Variants in MAGI2 observed in about 807,000 individuals in gnomAD.
The protein encoded by MAGI2 is membrane-associated guanylate kinase, WW and PDZ domain-containing protein 2.
MAGI2 carries 35 observed loss-of-function variants against 133.3 expected under a neutral mutation model. The observed-to-expected ratio is 0.26, with a 90% CI of 0.20 to 0.35. The LOEUF (loss-of-function observed/expected upper bound fraction) is 0.35, where lower values mean the gene tolerates loss of function less well. MAGI2 is among the 10% of genes least tolerant of loss of function. The probability of loss-of-function intolerance (pLI) is 1.00; values close to 1 mark genes in which losing one functional copy is unlikely to be tolerated. For missense variants in MAGI2, 1,636 were observed against 1,863.4 expected (o/e 0.88, Z 2.25); for synonymous variants, 729 against 710.6 (o/e 1.03, Z -0.41).
intron 10 of MAGI2, among the ~76,000 whole-genome samples, chr7:78,227,850 TTGTGTGTG>T (rs3085614): frequency 7.6e-5 from 11 of 145,646 alleles, no homozygotes; most frequent in South Asian, 2.2e-4. Flanking sequence ...TCTTACTCAG[TTGTGTGTG>T]TGTGTGTGTG....
intron 2 of MAGI2, among the ~76,000 whole-genome samples, chr7:78,885,461 T>A: frequency 6.6e-6 from 1 of 152,200 alleles, no homozygotes; most frequent in South Asian, 2.1e-4. Flanking sequence ...TGAGGCTTTA[T>A]ACTGTGCTAA....
chr7:78,605,201 G>A (rs1805673385), intron 3 of MAGI2, among the ~76,000 whole-genome samples: 1 of 152,204 alleles, frequency 6.6e-6, no homozygotes, highest in Non-Finnish European at 1.5e-5. Flanking sequence ...TTTAGACTAG[G>A]TTGATGGCAA....
At chr7:79,059,965 CATCT>C (rs887269316) in intron 1 of MAGI2, among the ~76,000 whole-genome samples, 1 of 152,094 alleles carries the variant, frequency 6.6e-6, no homozygotes, top group African/African-American at 2.4e-5. Context: ...CTATGTTGTA[CATCT>C]AATGAGTAAT....
intron 9 of MAGI2, among the ~76,000 whole-genome samples, chr7:78,279,436 T>C (rs931168126): frequency 2.0e-5 from 2 of 99,602 alleles, no homozygotes; most frequent in African/African-American, 9.8e-5. Context: ...CTCTTGTTTG[T>C]GCTGTTTTAG....
At chr7:79,269,691 C>A (rs1396354477) in intron 1 of MAGI2, among the ~76,000 whole-genome samples, 1 of 152,108 alleles carries the variant, frequency 6.6e-6, no homozygotes, top group African/African-American at 2.4e-5. Context: ...ATAGTTGACC[C>A]CATCTTGCTT....
At chr7:78,599,198 T>C (rs554238323) in intron 3 of MAGI2, among the ~76,000 whole-genome samples, 8 of 152,250 alleles carry the variant, frequency 5.3e-5, no homozygotes, top group African/African-American at 1.7e-4. Context: ...GACCATTCCA[T>C]ACACACACAC....
intron 6 of MAGI2, among the ~76,000 whole-genome samples, chr7:78,403,715 C>T (rs1050528984): frequency 1.1e-4 from 17 of 152,084 alleles, no homozygotes; most frequent in Non-Finnish European, 1.6e-4. Flanking sequence ...GATGGTATCT[C>T]ATTGTGGTTT....
chr7:78,579,934 T>G (rs1802663490), intron 3 of MAGI2, among the ~76,000 whole-genome samples: 1 of 152,216 alleles, frequency 6.6e-6, no homozygotes, highest in African/African-American at 2.4e-5. Context: ...ACTGCTCGTC[T>G]ATTGATCTCT....
intron 3 of MAGI2, among the ~76,000 whole-genome samples, chr7:78,580,550 A>C (rs1802729155): frequency 6.6e-6 from 1 of 152,210 alleles, no homozygotes; most frequent in Admixed American, 6.5e-5. Flanking sequence ...AGGTTTCAGA[A>C]CATTAAATTT....
intron 1 of MAGI2, among the ~76,000 whole-genome samples, chr7:79,290,017 GTTA>G (rs1181886929): frequency 6.6e-6 from 1 of 151,870 alleles, no homozygotes; most frequent in Non-Finnish European, 1.5e-5. Flanking sequence ...TAAGATTTTT[GTTA>G]TTATCTTTAA....
intron 1 of MAGI2, among the ~76,000 whole-genome samples, chr7:79,247,784 G>A (rs1206123816): frequency 6.6e-6 from 1 of 152,044 alleles, no homozygotes; most frequent in Non-Finnish European, 1.5e-5. Context: ...TATGTGTTAG[G>A]TTGTCATCAG....
chr7:78,586,157 C>T lies in MAGI2; in HGVS notation c.538+40963G>A, dbSNP rs117268677. Among the ~76,000 whole-genome samples the T allele has an allele frequency of 3.9e-3, 596 of 152,246 alleles. 11 individuals are homozygous for T. In the East Asian group the frequency reaches 0.041, roughly 10 times the overall value. On this transcript the variant is annotated intron_variant, in intron 3 of 21. Transcript: ENST00000354212. ...AGCGTGCTCTACAGCTGAGAGATTG[C>T]GTAAGTAGATCATTGTTGCAACACT...
chr7:78,698,523 C>T (rs1318678956), intron 2 of MAGI2, among the ~76,000 whole-genome samples: 2 of 152,202 alleles, frequency 1.3e-5, no homozygotes, highest in African/African-American at 4.8e-5. Context: ...CCATTAGGAA[C>T]TTATGTGTCG....
chr7:78,168,575 C>T (rs1203325407), intron 14 of MAGI2, among the ~76,000 whole-genome samples: 1 of 152,144 alleles, frequency 6.6e-6, no homozygotes, highest in Non-Finnish European at 1.5e-5. Flanking sequence ...GGCTCCGTTT[C>T]ACAATTTGTG....
At chr7:78,942,526 T>C (rs1285543972) in intron 2 of MAGI2, among the ~76,000 whole-genome samples, 1 of 152,154 alleles carries the variant, frequency 6.6e-6, no homozygotes, top group Non-Finnish European at 1.5e-5. Context: ...AACTTAGCAT[T>C]TACAAAACTT....
chr7:78,679,952 C>T (rs1015953511), intron 2 of MAGI2, among the ~76,000 whole-genome samples: 7 of 152,036 alleles, frequency 4.6e-5, no homozygotes, highest in African/African-American at 1.4e-4. Flanking sequence ...AAAATCAGTC[C>T]AACTGGTGAT....
At chr7:78,941,780 C>T (rs1801008315) in intron 2 of MAGI2, among the ~76,000 whole-genome samples, 1 of 130,670 alleles carries the variant, frequency 7.7e-6, no homozygotes, top group African/African-American at 3.1e-5. Context: ...ACACACTTCT[C>T]TTTACTCATG....
Position 78,412,664 on chromosome 7 carries a change from T to TA in MAGI2, c.1046-43452dup, listed in dbSNP as rs925319018. Among the ~76,000 whole-genome samples the TA allele has an allele frequency of 3.7e-4, 56 of 152,072 alleles. 1 individual carries two copies. The highest frequency in any genetic ancestry group is 1.3e-3 in the African/African-American group (53 of 41,422). ...TCACTGGGTTGAGAGAAAAGGGCAG[T>TA]AACAGAAGATGAAATTGCAACATTA... is the stretch of plus-strand genomic sequence containing the variant. On this transcript the variant is annotated intron_variant, in intron 6 of 21. Coordinates refer to ENST00000354212, the MANE Select transcript of MAGI2 (RefSeq NM_012301.4).
intron 1 of MAGI2, among the ~76,000 whole-genome samples, chr7:79,301,204 G>A (rs938791665): frequency 6.6e-6 from 1 of 152,224 alleles, no homozygotes; most frequent in Non-Finnish European, 1.5e-5. Context: ...GGAGAAGGGA[G>A]CCACTATCCT....
Sources: allele counts gnomAD v4.1 joint callset (sites outside exome capture counted in the v4.1 genomes callset), GRCh38; gene constraint gnomAD v4.1.1; transcripts MANE v1.5; gene names NCBI Gene and HGNC (gene_info 2026-07-23, HGNC 2026-07-21).